CHD7: variants seen among roughly 807,000 people sequenced by gnomAD.
CHD7 encodes ATP-dependent chromatin remodeler CHD7.
Under a neutral mutation model 307.3 loss-of-function variants are expected in CHD7, and 24 were observed. The ratio of observed to expected loss-of-function variants is 0.08; its 90% confidence interval spans 0.06 to 0.11. The LOEUF is 0.11. CHD7 is among the 10% of genes least tolerant of loss of function. CHD7 has a pLI of 1.00. For missense variants in CHD7, 3,106 were observed against 3,727.1 expected, an observed-to-expected ratio of 0.83 and a Z score of 4.34; for synonymous variants, 1,363 against 1,349.9, an observed-to-expected ratio of 1.01 and a Z score of -0.21.
At chr8:60,847,950 C>T (rs1184826115) in intron 23 of CHD7, among the ~76,000 whole-genome samples, 3 of 151,992 alleles carry the variant, frequency 2.0e-5, no homozygotes, top group Admixed American at 2.0e-4. Context: ...ACACCTTCTA[C>T]CCCACCCTGT....
At chr8:60,823,745 A>G (rs1202566497) in intron 12 of CHD7, 95 bp from the exon 13 acceptor site, 26 of 1,045,482 alleles carry the variant, frequency 2.5e-5, no homozygotes, top group Non-Finnish European at 3.6e-5. Flanking sequence ...AGATCTCCAA[A>G]GGGATAAATA....
rs1486863412 is a variant in CHD7 at position 60,741,815 on chromosome 8, G to A, written c.383G>A (p.Gly128Asp). ...GGCGGTCAGATGGGTGTCTACCCTG[G>A]CATGCAGAATGAGAGGCATGGGCAA... ...SGGGQMGVYP[G>D]MQNERHGQSF... The change falls in exon 2 of 38, where the codon GGC becomes GAC. Residue 128 changes from glycine (G) to aspartate (D), a missense_variant. This residue lies in a region of CHD7 where 998 missense variants were observed against 1,004.5 expected (regional missense o/e 0.99). Coordinates refer to ENST00000423902, the MANE Select transcript of CHD7 (RefSeq NM_017780.4). 1.2e-6 allele frequency: 2 copies of A among 1,613,802 alleles called. No individual in the cohort carries two copies. Among genetic ancestry groups the A allele is most frequent in the African/African-American group, 1.3e-5 (1 of 74,916 alleles).
rs28539174 is a variant in CHD7 at position 60,822,397 on chromosome 8, C to T, written c.2958-106C>T. On this transcript the variant is annotated intron_variant, in intron 11 of 37. Coordinates refer to ENST00000423902, the MANE Select transcript of CHD7 (RefSeq NM_017780.4). ...GTTGAATCTAAGAGAACATCTAAAG[C>T]CTTTGGGTATGCATTTGTGGGTACA... The T allele has an allele frequency of 0.023, 24,485 of 1,085,002 alleles. 1,698 individuals are homozygous for T. Among genetic ancestry groups the T allele is most frequent in the African/African-American group, 0.22 (14,168 of 63,460 alleles). The allele number at this position is 1,085,002 out of a possible 1,614,324, so 67.2% of individuals were successfully genotyped here. A position where few individuals can be genotyped will look rare whatever the true frequency, so the allele number is the denominator to read the frequency against.
rs765286478 is a variant in CHD7, at chr8:60,795,023, A to C, written c.2134A>C (p.Lys712Gln). Residue 712 changes from lysine (K) to glutamine (Q), a missense_variant, in exon 4 of 38, where the codon AAA (lysine) becomes CAA (glutamine). Physicochemically the swap from Lys to Gln is moderately conservative, Grantham distance 53 (BLOSUM62 1). Around this residue, in one of 10 missense-constraint regions of CHD7, gnomAD observed 998 missense variants for 1,004.5 expected, o/e 0.99. Transcript: ENST00000423902. ...KPDSEASALK[K>Q]KVNKGKTEGS... Reference sequence around the variant, plus strand: ...TGACTCAGAAGCAAGTGCTTTGAAGAAAAAGGTCAACAAGGGAAAAACAGA... The same window carrying C: ...TGACTCAGAAGCAAGTGCTTTGAAGCAAAAGGTCAACAAGGGAAAAACAGA... 6.2e-7 allele frequency: 1 copy of C among 1,613,126 alleles called. No homozygotes were observed. Among genetic ancestry groups the C allele is most frequent in the Non-Finnish European group, 8.5e-7 (1 of 1,179,324 alleles).
chr8:60,817,124 A>T (rs1016070276), intron 8 of CHD7, among the ~76,000 whole-genome samples: 1 of 152,176 alleles, frequency 6.6e-6, no homozygotes, highest in African/African-American at 2.4e-5. Flanking sequence ...TACATTTTTT[A>T]AAAAGTGCTT....
At chr8:60,805,165 G>T (rs1234981996) in intron 6 of CHD7, among the ~76,000 whole-genome samples, 1 of 152,064 alleles carries the variant, frequency 6.6e-6, no homozygotes, top group Non-Finnish European at 1.5e-5. Context: ...AACAGAGGCT[G>T]GTCAAACTGC....
intron 1 of CHD7, among the ~76,000 whole-genome samples, chr8:60,722,515 CAA>C (rs1332520763): frequency 6.6e-6 from 1 of 152,104 alleles, no homozygotes; most frequent in Non-Finnish European, 1.5e-5. Flanking sequence ...ATGAGAACCC[CAA>C]AGAGCTTTGG....
intron 1 of CHD7, among the ~76,000 whole-genome samples, chr8:60,706,444 T>C (rs1807024879): frequency 6.6e-6 from 1 of 152,232 alleles, no homozygotes; most frequent in South Asian, 2.1e-4. Context: ...AAAAATAATT[T>C]AAACAATATC....
chr8:60,751,194 C>T (rs998734199), intron 2 of CHD7, among the ~76,000 whole-genome samples: 1 of 152,194 alleles, frequency 6.6e-6, no homozygotes, highest in Admixed American at 6.5e-5. Flanking sequence ...TCACCTCTAT[C>T]CCCTAGCTTT....
chr8:60,725,207 A>G (rs1009688730), intron 1 of CHD7, among the ~76,000 whole-genome samples: 1 of 152,218 alleles, frequency 6.6e-6, no homozygotes. Flanking sequence ...ATGTGTGGAA[A>G]TGCACTGATG....
At chr8:60,694,883 T>C (rs1436863024) in intron 1 of CHD7, among the ~76,000 whole-genome samples, 1 of 152,206 alleles carries the variant, frequency 6.6e-6, no homozygotes, top group African/African-American at 2.4e-5. Context: ...TTCTGACTTA[T>C]ATTACGTGAT....
chr8:60,853,541 GC>G lies in CHD7; in HGVS notation c.6775+42del, dbSNP rs773123414. 4.8e-5 allele frequency: 70 copies of G among 1,456,452 alleles called. 1 individual carries two copies. In the South Asian group the frequency reaches 6.4e-4, roughly 13 times the overall value. 90.2% of individuals were successfully genotyped at this position (1,456,452 alleles called of 1,614,324 possible). The stretch of plus-strand genomic sequence containing the variant: ...TGGCCCCTCTCCTGACCCTGCAGCA[GC>G]TGGTTGTGAGATGCGTTGCTTTCTG... On this transcript the variant is annotated intron_variant, in intron 31 of 37. Transcript: ENST00000423902.
chr8:60,842,957 A>G (rs1805038925), intron 21 of CHD7, among the ~76,000 whole-genome samples: 1 of 152,036 alleles, frequency 6.6e-6, no homozygotes, highest in Admixed American at 6.6e-5. Context: ...CCCACTGCCT[A>G]GAGGACCCCC....
intron 1 of CHD7, among the ~76,000 whole-genome samples, chr8:60,724,798 CTT>C (rs966055064): frequency 6.6e-6 from 1 of 152,066 alleles, no homozygotes; most frequent in African/African-American, 2.4e-5. Context: ...CATTTATAAA[CTT>C]AATTTTTAAT....
chr8:60,843,871 A>C lies in CHD7; in HGVS notation c.4851-993A>C, dbSNP rs141436864. ...CAGTGTGTTCCAAGGCCTAGCAGTG[A>C]GAGCTAGCCCTGTGGTTGGAGAAAC... is the stretch of plus-strand genomic sequence containing the variant. On this transcript the variant is annotated intron_variant, in intron 21 of 37. Transcript: ENST00000423902. Among the ~76,000 whole-genome samples, 311 of 152,324 alleles carry C rather than the reference A, an allele frequency of 2.0e-3. 1 individual carries two copies. The highest frequency in any genetic ancestry group is 7.0e-3 in the African/African-American group (293 of 41,570).
chr8:60,811,585 T>C (rs1314239868), intron 7 of CHD7, among the ~76,000 whole-genome samples: 1 of 152,174 alleles, frequency 6.6e-6, no homozygotes, highest in East Asian at 1.9e-4. Flanking sequence ...TGTATGTGGG[T>C]GTGTAAGTGG....
Position 60,781,069 on chromosome 8 carries a change from C to G in CHD7, c.1735C>G (p.Gln579Glu), listed in dbSNP as rs780953224. ...GACTCAGGTTAGTGGACCGAATGCT[C>G]AGCTAGTGAAGAGTGATGATTACCT... ...DMTQVSGPNA[Q>E]LVKSDDYLPS... Residue 579 changes from glutamine to glutamate, a missense_variant, in exon 3 of 38, where the codon CAG becomes GAG. This residue lies in a region of CHD7 where 998 missense variants were observed against 1,004.5 expected (regional missense o/e 0.99). Coordinates refer to ENST00000423902, the MANE Select transcript of CHD7 (RefSeq NM_017780.4). 1 of 1,610,000 alleles carries G rather than the reference C, an allele frequency of 6.2e-7. No individual in the cohort carries two copies. Among genetic ancestry groups the G allele is most frequent in the Admixed American group, 1.7e-5 (1 of 59,368 alleles).
intron 2 of CHD7, 37 bp downstream of exon 2, chr8:60,743,134 T>G (rs1294644185): frequency 1.4e-5 from 22 of 1,549,018 alleles, no homozygotes; most frequent in Non-Finnish European, 1.9e-5. Context: ...CATTGCAGTG[T>G]GAAATTCAAC....
intron 2 of CHD7, among the ~76,000 whole-genome samples, chr8:60,746,836 T>A (rs1254885494): frequency 6.6e-6 from 1 of 152,230 alleles, no homozygotes; most frequent in East Asian, 1.9e-4. Context: ...ATTTCTTTAA[T>A]GGAAGTGCTA....
Sources: allele counts gnomAD v4.1 joint callset (sites outside exome capture counted in the v4.1 genomes callset), GRCh38; gene constraint gnomAD v4.1.1; regional missense constraint gnomAD v4.1.1; transcripts MANE v1.5; gene names NCBI Gene and HGNC (gene_info 2026-07-23, HGNC 2026-07-21).